NRG1: variants seen among roughly 807,000 people sequenced by gnomAD.
The protein encoded by NRG1 is neuregulin 1, also known as pro-neuregulin-1, membrane-bound isoform.
In NRG1, 18 loss-of-function variants were observed where a neutral mutation model predicts 63.8. The ratio of observed to expected loss-of-function variants is 0.28; its 90% confidence interval spans 0.19 to 0.42. NRG1 has a LOEUF of 0.42. Ranked by LOEUF, NRG1 falls within the 10% of genes least tolerant of loss-of-function variation. The pLI, the probability that NRG1 is intolerant of heterozygous loss-of-function variation, is 1.00. For missense variants in NRG1, 762 were observed against 814.7 expected (o/e 0.94, Z 0.79); for synonymous variants, 302 against 301.3 (o/e 1.00, Z -0.02).
At chr8:32,047,871 A>G (rs1821263324) in intron 1 of NRG1, among the ~76,000 whole-genome samples, 1 of 151,728 alleles carries the variant, frequency 6.6e-6, no homozygotes, top group Non-Finnish European at 1.5e-5. Context: ...TATTCCTCCT[A>G]TCTAACTGAA....
At chr8:32,289,043 C>T (rs576807627) in intron 1 of NRG1, among the ~76,000 whole-genome samples, 203 of 152,284 alleles carry the variant, frequency 1.3e-3, no homozygotes, top group Middle Eastern at 3.4e-3. Flanking sequence ...CTGGATTTCT[C>T]TGAATTACAA....
At chr8:32,591,027 C>A (rs150688812) in intron 1 of NRG1, among the ~76,000 whole-genome samples, 39 of 152,238 alleles carry the variant, frequency 2.6e-4, no homozygotes, top group African/African-American at 8.4e-4. Context: ...TTTGTATGGT[C>A]CTTGTCTAGA....
At chr8:32,176,340 A>G (rs920923353) in intron 1 of NRG1, among the ~76,000 whole-genome samples, 1 of 152,254 alleles carries the variant, frequency 6.6e-6, no homozygotes, top group Non-Finnish European at 1.5e-5. Flanking sequence ...AGGTGATTAA[A>G]GACTTAAATG....
Position 31,992,249 on chromosome 8 carries a change from T to C in NRG1, c.37+352818T>C, listed in dbSNP as rs142163027. The stretch of plus-strand genomic sequence containing the variant: ...CAGAAAATGGGAGGAATTCAACTTT[T>C]GATTAGATTGTATTGGATTTCTGAA... On this transcript the variant is annotated intron_variant, in intron 1 of 10. Coordinates refer to the NRG1 transcript ENST00000519301. Among the ~76,000 whole-genome samples, 767 of 152,142 alleles carry C rather than the reference T, an allele frequency of 5.0e-3. 3 individuals carry two copies. The highest frequency in any genetic ancestry group is 8.6e-3 in the Non-Finnish European group (585 of 67,952).
intron 1 of NRG1, among the ~76,000 whole-genome samples, chr8:32,178,796 T>C (rs903190321): frequency 1.3e-5 from 2 of 151,972 alleles, no homozygotes; most frequent in Non-Finnish European, 2.9e-5. Flanking sequence ...GTAGGTTCGA[T>C]AAAACTTGGT....
chr8:32,140,186 T>C (rs1460999635), intron 1 of NRG1, among the ~76,000 whole-genome samples: 1 of 152,184 alleles, frequency 6.6e-6, no homozygotes, highest in East Asian at 1.9e-4. Flanking sequence ...CAGTCCTTCA[T>C]GATGATGCAT....
chr8:32,023,620 G>T (rs1350896030), intron 1 of NRG1, among the ~76,000 whole-genome samples: 1 of 152,164 alleles, frequency 6.6e-6, no homozygotes, highest in African/African-American at 2.4e-5. Flanking sequence ...TCCAGATTGT[G>T]AGGGGAAAGG....
chr8:32,170,964 G>A (rs947888521), intron 1 of NRG1, among the ~76,000 whole-genome samples: 3 of 152,150 alleles, frequency 2.0e-5, no homozygotes, highest in Non-Finnish European at 2.9e-5. Flanking sequence ...TCACTTACCT[G>A]TCTCTTGTGT....
At chr8:31,955,786 C>T (rs1477788474) in intron 1 of NRG1, among the ~76,000 whole-genome samples, 7 of 151,814 alleles carry the variant, frequency 4.6e-5, no homozygotes, top group Admixed American at 4.6e-4. Flanking sequence ...GGCTGTAATC[C>T]CAGCACTTTG....
intron 10 of NRG1, 90 bp downstream of exon 10, chr8:32,759,526 T>C (rs765648352): frequency 1.6e-4 from 228 of 1,453,710 alleles, no homozygotes; most frequent in Non-Finnish European, 2.0e-4. Context: ...AAGGAGGCAG[T>C]GAAATGGATG....
chr8:32,153,042 C>G (rs2099176574), intron 1 of NRG1, among the ~76,000 whole-genome samples: 1 of 151,854 alleles, frequency 6.6e-6, no homozygotes, highest in Non-Finnish European at 1.5e-5. Context: ...TTTCATCTCT[C>G]ATGTGCCTGG....
At chr8:31,745,795 T>C (rs775111456) in intron 1 of NRG1, among the ~76,000 whole-genome samples, 1 of 151,966 alleles carries the variant, frequency 6.6e-6, no homozygotes, top group Non-Finnish European at 1.5e-5. Flanking sequence ...TAATAAATAG[T>C]ATCTTTATTG....
chr8:32,269,180 T>C (rs1396348431), intron 1 of NRG1, among the ~76,000 whole-genome samples: 1 of 152,154 alleles, frequency 6.6e-6, no homozygotes, highest in African/African-American at 2.4e-5. Context: ...CATTTTTAGA[T>C]ATCTTGTGAA....
chr8:32,378,364 G>A (rs1169965985), intron 1 of NRG1, among the ~76,000 whole-genome samples: 2 of 152,086 alleles, frequency 1.3e-5, no homozygotes, highest in Non-Finnish European at 2.9e-5. Context: ...TATGCCCGGG[G>A]CGCTTCCATT....
chr8:31,826,090 C>A (rs561282183), intron 1 of NRG1, among the ~76,000 whole-genome samples: 2 of 152,242 alleles, frequency 1.3e-5, no homozygotes, highest in East Asian at 3.9e-4. Context: ...GTTTTTGAGT[C>A]ATGCACGTTG....
intron 1 of NRG1, among the ~76,000 whole-genome samples, chr8:32,594,350 A>C (rs1345672233): frequency 6.6e-6 from 1 of 152,158 alleles, no homozygotes; most frequent in Non-Finnish European, 1.5e-5. Context: ...TAGATTTTGT[A>C]GCTGGCTTTT....
chr8:32,463,344 G>T (rs77791269), intron 1 of NRG1, among the ~76,000 whole-genome samples: 5,221 of 152,176 alleles, frequency 0.034, 304 homozygotes, highest in African/African-American at 0.12. Flanking sequence ...TATGGTAGCA[G>T]AATGTTTTAT....
chr8:32,620,524 A>G (rs1483569111), intron 5 of NRG1, among the ~76,000 whole-genome samples: 1 of 134,908 alleles, frequency 7.4e-6, no homozygotes, highest in African/African-American at 3.3e-5. Flanking sequence ...ATTAGAAGAA[A>G]AAAAAAAAAA....
chr8:32,388,333 G>A (rs1196767442), intron 1 of NRG1, among the ~76,000 whole-genome samples: 1 of 152,182 alleles, frequency 6.6e-6, no homozygotes, highest in East Asian at 1.9e-4. Flanking sequence ...ATGTATGTGT[G>A]CCAAAGCCAA....
Sources: allele counts gnomAD v4.1 joint callset (sites outside exome capture counted in the v4.1 genomes callset), GRCh38; gene constraint gnomAD v4.1.1; transcripts MANE v1.5; gene names NCBI Gene and HGNC (gene_info 2026-07-23, HGNC 2026-07-21).